Variants in FRAS1 observed in about 807,000 individuals in gnomAD.
FRAS1 encodes the protein Fraser extracellular matrix complex subunit 1, also known as extracellular matrix organizing protein FRAS1.
In FRAS1, 290 loss-of-function variants were observed where a neutral mutation model predicts 435.2. That is an observed-to-expected ratio of 0.67 (90% CI 0.61 to 0.73). The LOEUF (loss-of-function observed/expected upper bound fraction) is 0.73, where lower values mean the gene tolerates loss of function less well. Among genes scored for constraint, FRAS1 ranks in the 30% least tolerant of loss-of-function variants. FRAS1 has a pLI of 0.00. For synonymous variants in FRAS1, 1,800 were observed against 1,851.0 expected (o/e 0.97, Z 0.71); for missense variants, 4,860 against 5,001.5 (o/e 0.97, Z 0.85).
At chr4:78,467,216 C>G (rs1161079495) in intron 50 of FRAS1, among the ~76,000 whole-genome samples, 1 of 152,168 alleles carries the variant, frequency 6.6e-6, no homozygotes, top group African/African-American at 2.4e-5. Context: ...TTAACCATCT[C>G]TGCCCCCTTA....
At chr4:78,161,920 A>T (rs1721160768) in intron 2 of FRAS1, among the ~76,000 whole-genome samples, 1 of 152,052 alleles carries the variant, frequency 6.6e-6, no homozygotes, top group East Asian at 1.9e-4. Context: ...TTGTATTGAA[A>T]ATTGAGGCTA....
At chr4:78,162,670 T>A (rs1298850842) in intron 2 of FRAS1, among the ~76,000 whole-genome samples, 1 of 152,242 alleles carries the variant, frequency 6.6e-6, no homozygotes, top group Non-Finnish European at 1.5e-5. Context: ...ATTCCATTTC[T>A]GTCACTGCCT....
intron 2 of FRAS1, chr4:78,071,213 G>A (rs1740333912): frequency 6.6e-6 from 1 of 152,108 alleles, no homozygotes; most frequent in African/African-American, 2.4e-5. Flanking sequence ...TTGAATCTTG[G>A]CACCACTACA....
chr4:78,519,176 T>A (rs1400637755), intron 66 of FRAS1, among the ~76,000 whole-genome samples, 155 bp from the exon 67 acceptor site: 1 of 147,950 alleles, frequency 6.8e-6, no homozygotes, highest in Non-Finnish European at 1.5e-5. Flanking sequence ...TTTATTTTTT[T>A]AAATAAGTAA....
At chr4:78,166,474 A>G (rs1721335699) in intron 2 of FRAS1, among the ~76,000 whole-genome samples, 2 of 152,176 alleles carry the variant, frequency 1.3e-5, no homozygotes, top group Non-Finnish European at 2.9e-5. Context: ...AGACAGAAAA[A>G]GTTATTTTAA....
chr4:78,332,109 G>A (rs345496), intron 18 of FRAS1, among the ~76,000 whole-genome samples: 107,903 of 152,010 alleles, frequency 0.71, 38,684 homozygotes, highest in Non-Finnish European at 0.74. Context: ...TGTGAGGTAT[G>A]GAGACTGTCT....
At chr4:78,437,041 T>C (rs1734457922) in intron 38 of FRAS1, among the ~76,000 whole-genome samples, 1 of 152,240 alleles carries the variant, frequency 6.6e-6, no homozygotes, top group Admixed American at 6.5e-5. Context: ...GCATTTTTTG[T>C]ACCTCCAGTA....
chr4:78,319,072 C>T (rs1260356954), intron 18 of FRAS1, 86 bp downstream of exon 18: 13 of 1,335,618 alleles, frequency 9.7e-6, no homozygotes, highest in South Asian at 3.8e-5. Flanking sequence ...CCAGGAAGAC[C>T]GATGTTTAAT....
At chr4:78,496,559 A>G (rs1289485875) in intron 59 of FRAS1, among the ~76,000 whole-genome samples, 1 of 152,210 alleles carries the variant, frequency 6.6e-6, no homozygotes, top group Admixed American at 6.6e-5. Context: ...CTTGTTTTTC[A>G]TAATTCATCA....
intron 5 of FRAS1, among the ~76,000 whole-genome samples, chr4:78,254,152 T>G (rs1725681174): frequency 6.6e-6 from 1 of 152,130 alleles, no homozygotes; most frequent in Non-Finnish European, 1.5e-5. Flanking sequence ...CCCATACTCT[T>G]TTTATTACAC....
chr4:78,431,147 A>G (rs1040230961), intron 37 of FRAS1, among the ~76,000 whole-genome samples: 1 of 152,200 alleles, frequency 6.6e-6, no homozygotes, highest in African/African-American at 2.4e-5. Context: ...AGATGCAGTA[A>G]TCCATCCTTC....
At chr4:78,250,433 A>G (rs1448261185) in intron 4 of FRAS1, among the ~76,000 whole-genome samples, 1 of 152,120 alleles carries the variant, frequency 6.6e-6, no homozygotes, top group Non-Finnish European at 1.5e-5. Flanking sequence ...GTAGCTTCCA[A>G]TTTTCACTAA....
In FRAS1 at chr4:78,057,455, G is replaced by C. The variant is rs1297054138; in HGVS notation, c.-555G>C. On this transcript the variant is annotated 5_prime_UTR_variant, in exon 1 of 74. Transcript: ENST00000512123. This position sits in a 1 kb window ranked among gnomAD's most constrained non-coding sequence, Gnocchi z 4.2. ...GCACAGTTTCCAGCGAGCGGACCCC[G>C]GCAGATGAGGTCTGCCGAGCCGGGT... 1 of 153,446 alleles carries C rather than the reference G, an allele frequency of 6.5e-6. No individual in the cohort carries two copies. The highest frequency in any genetic ancestry group is 1.5e-5 in the Non-Finnish European group (1 of 68,870). The allele number at this position is 153,446 out of a possible 1,614,324, so 9.5% of individuals were successfully genotyped here.
At chr4:78,130,089 T>C (rs1189192817) in intron 2 of FRAS1, among the ~76,000 whole-genome samples, 4 of 152,110 alleles carry the variant, frequency 2.6e-5, no homozygotes, top group Admixed American at 6.6e-5. Context: ...GCAGTACTTT[T>C]CCCCCACCCT....
rs776113861 is a variant in FRAS1 at position 78,445,608 on chromosome 4, C to T, written c.5752C>T (p.Gln1918Ter). ...DVLENYIYYFQSVHESIEPTH... is the reference protein window; with the variant it reads ...DVLENYIYYF The stretch of plus-strand genomic sequence containing the variant: ...CCTGGAAAACTACATTTACTACTTT[C>T]AGAGTGTTCATGAAAGCATTGAGCC... Residue 1918 changes from glutamine to a stop codon, truncating the protein, a stop_gained, in exon 42 of 74, where the codon CAG (glutamine) becomes TAG (stop). Coordinates refer to ENST00000512123, the MANE Select transcript of FRAS1 (RefSeq NM_025074.7). LOFTEE classifies it high-confidence loss of function. The T allele has an allele frequency of 2.5e-6, 4 of 1,613,768 alleles. No individual in the cohort carries two copies. Among genetic ancestry groups the T allele is most frequent in the Non-Finnish European group, 3.4e-6 (4 of 1,179,784 alleles).
intron 20 of FRAS1, among the ~76,000 whole-genome samples, chr4:78,355,584 C>A (rs1730819591): frequency 6.6e-6 from 1 of 152,178 alleles, no homozygotes; most frequent in Non-Finnish European, 1.5e-5. Context: ...GCAGGAAGGT[C>A]AGATGCAGAT....
At chr4:78,428,525 G>A (rs1435433790) in intron 35 of FRAS1, among the ~76,000 whole-genome samples, 5 of 152,004 alleles carry the variant, frequency 3.3e-5, no homozygotes, top group South Asian at 4.2e-4. Flanking sequence ...GGGTTTCATC[G>A]TGTTAGCCAG....
intron 2 of FRAS1, among the ~76,000 whole-genome samples, chr4:78,085,272 T>C (rs1243293409): frequency 6.6e-6 from 1 of 152,250 alleles, no homozygotes; most frequent in Admixed American, 6.5e-5. Context: ...TGTTCGTATG[T>C]TTAAGGGTCA....
intron 14 of FRAS1, among the ~76,000 whole-genome samples, chr4:78,306,379 C>A (rs1375851772): frequency 6.9e-6 from 1 of 144,812 alleles, no homozygotes; most frequent in African/African-American, 2.5e-5. Flanking sequence ...TTGTGGCGTT[C>A]TCTGTGTTTC....
Sources: allele counts gnomAD v4.1 joint callset (sites outside exome capture counted in the v4.1 genomes callset), GRCh38; gene constraint gnomAD v4.1.1; non-coding constraint Gnocchi (gnomAD v3.1); transcripts MANE v1.5; gene names NCBI Gene and HGNC (gene_info 2026-07-23, HGNC 2026-07-21).